Variants in SLC14A2 observed in about 807,000 individuals in gnomAD.
The protein encoded by SLC14A2 is solute carrier family 14 member 2, also known as urea transporter 2.
SLC14A2 carries 91 observed loss-of-function variants against 104.6 expected under a neutral mutation model. The ratio of observed to expected loss-of-function variants is 0.87; its 90% CI spans 0.73 to 1.04. SLC14A2 has a LOEUF of 1.04. Ranked by LOEUF, SLC14A2 falls within the 50% of genes least tolerant of loss-of-function variation. The pLI is 0.00. For synonymous variants in SLC14A2, 476 were observed against 466.4 expected (o/e 1.02, Z -0.27); for missense variants, 1,189 against 1,156.0 (o/e 1.03, Z -0.41).
intron 1 of SLC14A2, among the ~76,000 whole-genome samples, chr18:45,326,802 T>C (rs927914783): frequency 1.3e-4 from 20 of 152,198 alleles, no homozygotes; most frequent in African/African-American, 4.6e-4. Context: ...CCCCAATTCC[T>C]GTCCAGGAGT....
chr18:45,381,068 A>G (rs2085829508), intron 1 of SLC14A2, among the ~76,000 whole-genome samples: 1 of 152,204 alleles, frequency 6.6e-6, no homozygotes, highest in Non-Finnish European at 1.5e-5. Context: ...TAGAACAGAA[A>G]TCTCACCTAT....
At chr18:45,210,001 G>A (rs1016157139), upstream of SLC14A2, among the ~76,000 whole-genome samples, 8 of 152,152 alleles carry the variant, frequency 5.3e-5, no homozygotes, top group African/African-American at 9.7e-5. Context: ...GAGAAAGCCC[G>A]ATAGCATCAG....
At chr18:45,280,846 C>T (rs1013758049) in intron 1 of SLC14A2, among the ~76,000 whole-genome samples, 1 of 152,150 alleles carries the variant, frequency 6.6e-6, no homozygotes, top group African/African-American at 2.4e-5. Flanking sequence ...TGCAATTCTG[C>T]CCTTCTCACC....
chr18:45,448,449 G>C (rs1448418577), intron 1 of SLC14A2, among the ~76,000 whole-genome samples: 12 of 152,296 alleles, frequency 7.9e-5, no homozygotes, highest in Admixed American at 6.5e-4. Flanking sequence ...TTTTCCAGAA[G>C]TTATCATGGC....
chr18:45,440,887 A>G (rs1047746996), intron 1 of SLC14A2, among the ~76,000 whole-genome samples: 12 of 152,206 alleles, frequency 7.9e-5, no homozygotes, highest in East Asian at 1.9e-4. Flanking sequence ...TCAGTCCAGC[A>G]TTGCTCTAGG....
At chr18:45,523,493 C>CTT (rs571753663) in intron 2 of SLC14A2, among the ~76,000 whole-genome samples, 15,276 of 118,868 alleles carry the variant, frequency 0.13, 1,404 homozygotes, top group African/African-American at 0.24. Context: ...CCACACCCAG[C>CTT]TTTTTTTTTT....
intron 4 of SLC14A2, among the ~76,000 whole-genome samples, chr18:45,630,362 C>T (rs1222187716): frequency 6.6e-6 from 1 of 152,156 alleles, no homozygotes; most frequent in East Asian, 1.9e-4. Flanking sequence ...TCCATCACCC[C>T]CACTACCCTT....
chr18:45,412,711 CCCT>C (rs2086227763), intron 1 of SLC14A2, among the ~76,000 whole-genome samples: 1 of 152,174 alleles, frequency 6.6e-6, no homozygotes, highest in Non-Finnish European at 1.5e-5. Flanking sequence ...CAGCAGCCAC[CCCT>C]GAGATGGTAG....
chr18:45,644,572 T>A (rs2045587318), intron 10 of SLC14A2, among the ~76,000 whole-genome samples: 1 of 152,052 alleles, frequency 6.6e-6, no homozygotes, highest in Non-Finnish European at 1.5e-5. Flanking sequence ...GGGGGGTAAG[T>A]CAGGGGACAC....
chr18:45,192,759 C>T, the SLC14A2 span, among the ~76,000 whole-genome samples: 1 of 152,038 alleles, frequency 6.6e-6, no homozygotes, highest in African/African-American at 2.4e-5. Context: ...CAGGTTCAAG[C>T]AATTCTCCTG....
intron 1 of SLC14A2, among the ~76,000 whole-genome samples, chr18:45,252,614 C>T (rs1211519372): frequency 1.3e-5 from 2 of 152,146 alleles, no homozygotes; most frequent in Non-Finnish European, 2.9e-5. Flanking sequence ...AGAACTTCAG[C>T]GTGGATCAGG....
Position 45,587,006 on chromosome 18 carries a change from G to GAGAC in SLC14A2, c.-34-37621_-34-37618dup, listed in dbSNP as rs536302750. On this transcript the variant is annotated intron_variant, in intron 2 of 20. Transcript: ENST00000586448. ...TTCTTTATTTTAAATTATTTTTTTT[G>GAGAC]AGACAGAGTCTCACTCAGTCACCCA... 4.9e-4 allele frequency among the ~76,000 whole-genome samples: 73 copies of GAGAC among 149,720 alleles called. No individual in the cohort carries two copies. In the East Asian group the frequency reaches 6.8e-3, roughly 14 times the overall value.
At chr18:45,426,128 G>T (rs1012146411) in intron 1 of SLC14A2, among the ~76,000 whole-genome samples, 1 of 152,062 alleles carries the variant, frequency 6.6e-6, no homozygotes, top group Admixed American at 6.6e-5. Context: ...GCACGGCATC[G>T]ATGGCCACCC....
At chr18:45,496,472 G>A (rs1192421374) in intron 2 of SLC14A2, among the ~76,000 whole-genome samples, 1 of 152,160 alleles carries the variant, frequency 6.6e-6, no homozygotes, top group Admixed American at 6.5e-5. Flanking sequence ...GCAGGCAGAA[G>A]AAGGTGGGAT....
At chr18:45,580,952 AGCAGGAG>A (rs147451254) in intron 2 of SLC14A2, among the ~76,000 whole-genome samples, 4,951 of 152,208 alleles carry the variant, frequency 0.033, 279 homozygotes, top group African/African-American at 0.11. Context: ...AACCAGGCTG[AGCAGGAG>A]GCAGGAGGCA....
intron 1 of SLC14A2, among the ~76,000 whole-genome samples, chr18:45,248,200 TCA>T (rs1347847299): frequency 2.0e-5 from 3 of 152,098 alleles, no homozygotes; most frequent in African/African-American, 7.2e-5. Context: ...ACACCCTCTC[TCA>T]GTTTTGCCAA....
intron 2 of SLC14A2, among the ~76,000 whole-genome samples, chr18:45,585,367 T>C (rs2044551439): frequency 6.6e-6 from 1 of 152,160 alleles, no homozygotes; most frequent in Admixed American, 6.5e-5. Flanking sequence ...TAGAATATAA[T>C]CTCCATAAAG....
At chr18:45,608,416 G>A (rs2044906873) in intron 2 of SLC14A2, among the ~76,000 whole-genome samples, 1 of 152,210 alleles carries the variant, frequency 6.6e-6, no homozygotes, top group African/African-American at 2.4e-5. Context: ...CATGGATTAG[G>A]AGGATTCTGT....
chr18:45,361,344 T>C (rs2085608968), intron 1 of SLC14A2, among the ~76,000 whole-genome samples: 1 of 152,192 alleles, frequency 6.6e-6, no homozygotes, highest in Non-Finnish European at 1.5e-5. Context: ...TGAGCTGTCA[T>C]TTGAAACCAT....
Sources: allele counts gnomAD v4.1 joint callset (sites outside exome capture counted in the v4.1 genomes callset), GRCh38; gene constraint gnomAD v4.1.1; transcripts MANE v1.5; gene names NCBI Gene and HGNC (gene_info 2026-07-23, HGNC 2026-07-21).